HS6ST3: variants seen among roughly 807,000 people sequenced by gnomAD.
HS6ST3 encodes the protein heparan-sulfate 6-O-sulfotransferase 3.
A neutral mutation model predicts 36.7 loss-of-function variants in HS6ST3; 12 were observed. That is an observed-to-expected ratio of 0.33 (90% CI 0.21 to 0.53). The LOEUF is 0.53. Among genes scored for constraint, HS6ST3 ranks in the 20% least tolerant of loss-of-function variants. The probability of loss-of-function intolerance (pLI) is 0.95; values close to 1 mark genes in which losing one functional copy is unlikely to be tolerated. For synonymous variants in HS6ST3, 240 were observed against 257.5 expected (o/e 0.93, Z 0.65); for missense variants, 584 against 640.9 (o/e 0.91, Z 0.96).
intron 1 of HS6ST3, among the ~76,000 whole-genome samples, chr13:96,559,277 C>T (rs868352692): frequency 3.9e-5 from 6 of 152,036 alleles, no homozygotes; most frequent in African/African-American, 1.2e-4. Flanking sequence ...CCCCACCACA[C>T]GTGGCTAATT....
intron 1 of HS6ST3, among the ~76,000 whole-genome samples, chr13:96,612,517 C>T (rs1457560453): frequency 6.6e-6 from 1 of 152,126 alleles, no homozygotes; most frequent in African/African-American, 2.4e-5. Context: ...TCACCCTAAT[C>T]CCAGACTCAT....
chr13:96,216,394 A>G (rs931617503), intron 1 of HS6ST3, among the ~76,000 whole-genome samples: 1 of 152,286 alleles, frequency 6.6e-6, no homozygotes, highest in East Asian at 1.9e-4. Context: ...GTTGACTACT[A>G]AAAGTTTCTT....
chr13:96,622,342 G>A (rs2056498136), intron 1 of HS6ST3, among the ~76,000 whole-genome samples: 1 of 152,154 alleles, frequency 6.6e-6, no homozygotes, highest in Non-Finnish European at 1.5e-5. Flanking sequence ...CTACTTGGGA[G>A]AAATATCATT....
intron 1 of HS6ST3, among the ~76,000 whole-genome samples, chr13:96,623,953 A>T (rs1038560694): frequency 6.6e-6 from 1 of 152,214 alleles, no homozygotes; most frequent in South Asian, 2.1e-4. Context: ...TTGCATAATT[A>T]TATTCCTTAC....
chr13:96,167,830 A>G (rs1463172647), intron 1 of HS6ST3, among the ~76,000 whole-genome samples: 2 of 152,210 alleles, frequency 1.3e-5, no homozygotes, highest in African/African-American at 4.8e-5. Context: ...ATTTATAAAT[A>G]TATGTCTAAA....
Position 96,139,541 on chromosome 13 carries a change from G to GCAAAAA in HS6ST3, c.707+47972_707+47973insCAAAAA, listed in dbSNP as rs371698480. Among the ~76,000 whole-genome samples the GCAAAAA allele has an allele frequency of 7.5e-5, 5 of 66,282 alleles. 1 individual carries two copies. Among genetic ancestry groups the GCAAAAA allele is most frequent in the Middle Eastern group, 0.018 (1 of 56 alleles). The allele number at this position is 66,282 out of a possible 152,430, so 43.5% of individuals were successfully genotyped here. On this transcript the variant is annotated intron_variant, in intron 1 of 1. Coordinates refer to ENST00000376705, the MANE Select transcript of HS6ST3 (RefSeq NM_153456.4). The stretch of plus-strand genomic sequence containing the variant: ...TTTTCCTGAAATACTGTAAGATTCA[G>GCAAAAA]AAAAAAAAAAAAAAAAAAAAAAAAA...
chr13:96,330,144 A>T (rs1243959248), intron 1 of HS6ST3, among the ~76,000 whole-genome samples: 1 of 137,362 alleles, frequency 7.3e-6, no homozygotes. Flanking sequence ...CCAATTTGCC[A>T]GTCTGTGTCT....
intron 1 of HS6ST3, among the ~76,000 whole-genome samples, chr13:96,172,164 T>C (rs1594703306): frequency 6.6e-6 from 1 of 152,230 alleles, no homozygotes; most frequent in African/African-American, 2.4e-5. Flanking sequence ...CTGCACAGCC[T>C]CACAAACTTT....
chr13:96,136,463 C>T (rs1004872633), intron 1 of HS6ST3, among the ~76,000 whole-genome samples: 4 of 151,830 alleles, frequency 2.6e-5, no homozygotes, highest in East Asian at 1.9e-4. Context: ...AGGTGCTGCA[C>T]GCTTTTAAAC....
chr13:96,199,920 G>T (rs557573419), intron 1 of HS6ST3, among the ~76,000 whole-genome samples: 1 of 152,134 alleles, frequency 6.6e-6, no homozygotes, highest in East Asian at 1.9e-4. Context: ...CTTCCTCAGA[G>T]TAGCCACCAG....
intron 1 of HS6ST3, among the ~76,000 whole-genome samples, chr13:96,726,459 A>T (rs750507248): frequency 3.3e-5 from 5 of 152,158 alleles, no homozygotes; most frequent in Non-Finnish European, 7.4e-5. Context: ...CAAGTATTTC[A>T]TATTTTTGAT....
rs1343778101 is a variant in HS6ST3, at chr13:96,284,910, G to GCTTGCTTGCTTGCTTT, written c.707+193344_707+193345insGCTTGCTTGCTTTCTT. ...GGGCTTTAAGATTGAATGCATATTT[G>GCTTGCTTGCTTGCTTT]CTTTCTTTCTTTCTTTCTTTCTTTC... On this transcript the variant is annotated intron_variant, in intron 1 of 1. Transcript: ENST00000376705. Among the ~76,000 whole-genome samples, 172 of 134,666 alleles carry GCTTGCTTGCTTGCTTT rather than the reference G, an allele frequency of 1.3e-3. 1 individual carries two copies. Among genetic ancestry groups the GCTTGCTTGCTTGCTTT allele is most frequent in the East Asian group, 4.5e-3 (20 of 4,428 alleles). The allele number at this position is 134,666 out of a possible 152,430, so 88.3% of individuals were successfully genotyped here. A position where few individuals can be genotyped will look rare whatever the true frequency, so the allele number is the denominator to read the frequency against.
At chr13:96,460,899 A>C (rs532067388) in intron 1 of HS6ST3, among the ~76,000 whole-genome samples, 1 of 152,202 alleles carries the variant, frequency 6.6e-6, no homozygotes, top group Non-Finnish European at 1.5e-5. Context: ...TGGGAGCTGG[A>C]CATCTATTGC....
At chr13:96,286,916 G>C (rs1381305815) in intron 1 of HS6ST3, among the ~76,000 whole-genome samples, 1 of 152,054 alleles carries the variant, frequency 6.6e-6, no homozygotes, top group Admixed American at 6.6e-5. Flanking sequence ...GTGCATGTGT[G>C]TGTGCCTGAG....
chr13:96,774,300 G>A (rs1877339533), intron 1 of HS6ST3, among the ~76,000 whole-genome samples: 1 of 152,114 alleles, frequency 6.6e-6, no homozygotes, highest in African/African-American at 2.4e-5. Context: ...CTCCTTGCCA[G>A]AAAGAGAACA....
At chr13:96,298,156 T>C (rs1222662292) in intron 1 of HS6ST3, among the ~76,000 whole-genome samples, 1 of 152,236 alleles carries the variant, frequency 6.6e-6, no homozygotes, top group Non-Finnish European at 1.5e-5. Flanking sequence ...TCCAGCTTGC[T>C]AGATTTACAT....
chr13:96,648,414 A>G lies in HS6ST3; in HGVS notation c.708-184076A>G, dbSNP rs113140026. Among the ~76,000 whole-genome samples, 35 of 150,048 alleles carry G rather than the reference A, an allele frequency of 2.3e-4. 2 individuals are homozygous for G. The highest frequency in any genetic ancestry group is 8.3e-4 in the African/African-American group (34 of 40,812). On this transcript the variant is annotated intron_variant, in intron 1 of 1. Transcript: ENST00000376705. ...TTTTTTCTCTGCCAGATCTATACCT[A>G]CTTATTTGGTAATTTCATCTTGTCT...
At chr13:96,471,986 C>T (rs1054040163) in intron 1 of HS6ST3, among the ~76,000 whole-genome samples, 11 of 152,118 alleles carry the variant, frequency 7.2e-5, no homozygotes, top group Non-Finnish European at 1.5e-4. Flanking sequence ...CAGAGGCTAC[C>T]TGGGGCTTAT....
intron 1 of HS6ST3, among the ~76,000 whole-genome samples, chr13:96,446,477 G>A (rs148366004): frequency 6.6e-6 from 1 of 152,286 alleles, no homozygotes; most frequent in East Asian, 1.9e-4. Context: ...TAACAAGTGG[G>A]AGTATTTTTC....
Sources: gnomAD v4.1 joint callset for allele counts (sites outside exome capture counted in the v4.1 genomes callset) on GRCh38, gnomAD v4.1.1 for gene constraint, MANE v1.5 for transcripts, NCBI Gene and HGNC (gene_info 2026-07-23, HGNC 2026-07-21) for gene names.